STK4: variants seen among roughly 807,000 people sequenced by gnomAD.
STK4 encodes the protein serine/threonine-protein kinase 4.
Under a neutral mutation model 64.9 loss-of-function variants are expected in STK4, and 30 were observed. That is an observed-to-expected ratio of 0.46 (90% CI 0.35 to 0.63). The LOEUF (loss-of-function observed/expected upper bound fraction) is 0.63, where lower values mean the gene tolerates loss of function less well. Among genes scored for constraint, STK4 ranks in the 20% least tolerant of loss-of-function variants. The pLI is 0.01. For synonymous variants in STK4, 177 were observed against 199.0 expected (o/e 0.89, Z 0.93); for missense variants, 466 against 598.5 (o/e 0.78, Z 2.31).
intron 4 of STK4, 39 bp downstream of exon 4, chr20:44,981,982 C>T: frequency 7.4e-7 from 1 of 1,358,934 alleles, no homozygotes; most frequent in Non-Finnish European, 1.1e-6. Context: ...GAGCTAGTTT[C>T]TTATGCCATC....
chr20:44,997,042 G>A (rs1000278333), intron 6 of STK4, 127 bp from the exon 7 acceptor site: 3 of 1,342,228 alleles, frequency 2.2e-6, no homozygotes, highest in African/African-American at 1.5e-5. Flanking sequence ...TGGAATTTGG[G>A]TGAGCTTCTC....
chr20:45,067,205 TA>T (rs773357607), intron 10 of STK4, among the ~76,000 whole-genome samples: 1 of 152,152 alleles, frequency 6.6e-6, no homozygotes, highest in Non-Finnish European at 1.5e-5. Flanking sequence ...TTTTAGCTTC[TA>T]TCGAGCTTCC....
rs866193564 is a variant in STK4 at position 45,050,026 on chromosome 20, G to A, written c.1305+24896G>A. ...AAGGTTTTGTTAATCCTGAGAATCC[G>A]TTTGGCCACATCAATGAGCTCCTTT... On this transcript the variant is annotated intron_variant, in intron 10 of 10. Transcript: ENST00000372806. Among the ~76,000 whole-genome samples the A allele has an allele frequency of 7.2e-5, 11 of 152,250 alleles. 1 individual carries two copies. The Middle Eastern group carries it at 0.014, about 188-fold the overall frequency.
At chr20:44,979,350 T>C (rs988988919) in intron 3 of STK4, among the ~76,000 whole-genome samples, 1 of 152,160 alleles carries the variant, frequency 6.6e-6, no homozygotes, top group African/African-American at 2.4e-5. Context: ...TTAAAAAAAA[T>C]TATTCTAGCT....
chr20:45,030,235 A>G (rs1568737004), intron 10 of STK4, among the ~76,000 whole-genome samples: 1 of 151,912 alleles, frequency 6.6e-6, no homozygotes, highest in Non-Finnish European at 1.5e-5. Context: ...CCTCCTGAGT[A>G]TCTGGGATTA....
At position 45,071,050 on chromosome 20, in the gene STK4, G is replaced by T. The variant is rs548973785; in HGVS notation, c.1306-3968G>T. 1.4e-4 allele frequency among the ~76,000 whole-genome samples: 21 copies of T among 152,194 alleles called. No homozygotes were observed. In the East Asian group the frequency reaches 3.9e-3, roughly 28 times the overall value. On this transcript the variant is annotated intron_variant, in intron 10 of 10. Transcript: ENST00000372806. ...GAGCTACCATTCAAGATGAGATTTG[G>T]GTGGGGACACAGCCAAACCATATCA...
chr20:45,079,225 G>C lies in STK4; in HGVS notation c.*4049G>C, dbSNP rs1980744967. ...AATGAGACCCCGTCTCAAAAAAAAA[G>C]AAGAAGTAGATAATCTGAATAGCCC... is the stretch of plus-strand genomic sequence containing the variant. On this transcript the variant is annotated 3_prime_UTR_variant, in exon 11 of 11. Transcript: ENST00000372806. 6.6e-6 allele frequency: 1 copy of C among 151,912 alleles called. No homozygotes were observed. The highest frequency in any genetic ancestry group is 2.1e-4 in the South Asian group (1 of 4,762). 9.4% of individuals were successfully genotyped at this position (151,912 alleles called of 1,614,324 possible). A position where few individuals can be genotyped will look rare whatever the true frequency, so the allele number is the denominator to read the frequency against.
At chr20:45,001,398 A>G (rs1427417104) in intron 9 of STK4, 45 bp downstream of exon 9, 24 of 1,563,188 alleles carry the variant, frequency 1.5e-5, no homozygotes, top group Middle Eastern at 1.7e-4. Flanking sequence ...CCAAGCATAC[A>G]TATTTCAGAG....
At chr20:44,989,115 C>T (rs1170008993) in intron 5 of STK4, among the ~76,000 whole-genome samples, 3 of 152,082 alleles carry the variant, frequency 2.0e-5, no homozygotes, top group Non-Finnish European at 4.4e-5. Context: ...TTATGTGAAC[C>T]GTTGTTTTCA....
chr20:45,008,123 C>T (rs1374087242), intron 9 of STK4, among the ~76,000 whole-genome samples: 13 of 152,156 alleles, frequency 8.5e-5, no homozygotes, highest in South Asian at 2.1e-4. Flanking sequence ...GGCACGACCT[C>T]GACTCACTGC....
intron 10 of STK4, among the ~76,000 whole-genome samples, chr20:45,036,089 TA>T (rs1325732055): frequency 1.3e-5 from 2 of 151,988 alleles, no homozygotes; most frequent in Non-Finnish European, 2.9e-5. Flanking sequence ...ACTGAGAGAG[TA>T]GATTTTAATT....
At chr20:44,995,299 G>C in intron 6 of STK4, 42 bp downstream of exon 6, 1 of 1,570,126 alleles carries the variant, frequency 6.4e-7, no homozygotes, top group Non-Finnish European at 8.6e-7. Flanking sequence ...GTTAGTTACT[G>C]ATCATCATTA....
chr20:44,971,883 G>A (rs1342632130), intron 1 of STK4, among the ~76,000 whole-genome samples, 195 bp from the exon 2 acceptor site: 1 of 151,906 alleles, frequency 6.6e-6, no homozygotes, highest in Non-Finnish European at 1.5e-5. Context: ...ATGTTAGCCA[G>A]GATGGTCTCG....
chr20:44,996,378 A>C (rs1240876439), intron 6 of STK4, among the ~76,000 whole-genome samples: 1 of 151,992 alleles, frequency 6.6e-6, no homozygotes, highest in African/African-American at 2.4e-5. Context: ...GGTCCTCTCC[A>C]TCCTTCCTTA....
At chr20:45,073,877 A>C (rs1980292547) in intron 10 of STK4, among the ~76,000 whole-genome samples, 1 of 152,208 alleles carries the variant, frequency 6.6e-6, no homozygotes, top group African/African-American at 2.4e-5. Flanking sequence ...TGAGAACTTT[A>C]CAGCCGTGAT....
At chr20:45,034,154 A>G (rs2068490405) in intron 10 of STK4, among the ~76,000 whole-genome samples, 1 of 152,094 alleles carries the variant, frequency 6.6e-6, no homozygotes. Flanking sequence ...TTATAGCCTT[A>G]AATGAATTTT....
intron 10 of STK4, among the ~76,000 whole-genome samples, chr20:45,066,289 TA>T (rs1288838815): frequency 3.3e-5 from 5 of 152,054 alleles, no homozygotes; most frequent in African/African-American, 7.2e-5. Flanking sequence ...CCCTTGTGGA[TA>T]GGGGGGACTA....
intron 10 of STK4, among the ~76,000 whole-genome samples, chr20:45,034,115 GC>G (rs1283782576): frequency 6.6e-6 from 1 of 151,860 alleles, no homozygotes; most frequent in African/African-American, 2.4e-5. Context: ...CCTGTGGGAG[GC>G]AGTAAACAAT....
chr20:45,042,661 T>C (rs1310935098), intron 10 of STK4, among the ~76,000 whole-genome samples: 2 of 152,154 alleles, frequency 1.3e-5, no homozygotes, highest in East Asian at 3.8e-4. Context: ...CTTTCTTCAT[T>C]TCTCTGTTGG....
Sources: gnomAD v4.1 joint callset for allele counts (sites outside exome capture counted in the v4.1 genomes callset) on GRCh38, gnomAD v4.1.1 for gene constraint, MANE v1.5 for transcripts, NCBI Gene and HGNC (gene_info 2026-07-23, HGNC 2026-07-21) for gene names.